Variants in TIAM2 observed in about 807,000 individuals in gnomAD.
The protein encoded by TIAM2 is TIAM Rac1 associated GEF 2, also known as rho guanine nucleotide exchange factor TIAM2.
Under a neutral mutation model 152.9 loss-of-function variants are expected in TIAM2, and 80 were observed. The ratio of observed to expected loss-of-function variants is 0.52; its 90% CI spans 0.44 to 0.63. The LOEUF is 0.63. TIAM2 is among the 30% of genes least tolerant of loss of function. The pLI is 0.00. For synonymous variants in TIAM2, 804 were observed against 838.0 expected (o/e 0.96, Z 0.70); for missense variants, 1,965 against 2,120.1 (o/e 0.93, Z 1.44).
At chr6:155,034,332 C>T (rs1266200137) in intron 1 of TIAM2, among the ~76,000 whole-genome samples, 2 of 152,106 alleles carry the variant, frequency 1.3e-5, no homozygotes, top group Admixed American at 6.5e-5. Context: ...CTCACTGCAA[C>T]CTCTGCCTAC....
At chr6:155,159,218 A>G (rs1443980883) in intron 7 of TIAM2, among the ~76,000 whole-genome samples, 1 of 152,224 alleles carries the variant, frequency 6.6e-6, no homozygotes, top group Non-Finnish European at 1.5e-5. Flanking sequence ...AAAGTGTTCA[A>G]TATGAATAGG....
intron 5 of TIAM2, among the ~76,000 whole-genome samples, chr6:155,142,096 A>G (rs1216996250): frequency 6.7e-6 from 1 of 149,960 alleles, no homozygotes; most frequent in Admixed American, 6.6e-5. Flanking sequence ...GTGAACGGCA[A>G]AGGCAGGGTT....
At chr6:155,104,682 G>A (rs531395301) in intron 2 of TIAM2, among the ~76,000 whole-genome samples, 1 of 151,542 alleles carries the variant, frequency 6.6e-6, no homozygotes, top group Non-Finnish European at 1.5e-5. Context: ...GCTTGAACCC[G>A]GGAGGCGGAG....
chr6:155,099,913 A>C (rs1016367241), intron 2 of TIAM2, among the ~76,000 whole-genome samples: 4 of 152,246 alleles, frequency 2.6e-5, no homozygotes, highest in Admixed American at 6.5e-5. Context: ...CCTGTATGGC[A>C]TGTGACTGTA....
chr6:155,230,865 G>A (rs1386153824), intron 15 of TIAM2, among the ~76,000 whole-genome samples: 5 of 144,790 alleles, frequency 3.5e-5, no homozygotes, highest in Non-Finnish European at 6.0e-5. Flanking sequence ...ATGGAGTCTC[G>A]CTCTGTCACC....
rs199595758 is a variant in TIAM2, at chr6:155,129,614, A to G, written c.391A>G (p.Arg131Gly). Residue 131 changes from arginine (R) to glycine (G), a missense_variant, in exon 4 of 27, where the codon AGA (arginine) becomes GGA (glycine). Transcript: ENST00000682666. This position sits in a 1 kb window ranked among gnomAD's most constrained non-coding sequence, Gnocchi z 4.8. ...GCTGGCAGATAACCACATCACCTCC[A>G]GAGACTGCAACGGACACCTTCTCAA... ...HELADNHITSRDCNGHLLNCY... is the reference protein window; with the variant it reads ...HELADNHITSGDCNGHLLNCY... 49 of 1,614,164 alleles carry G rather than the reference A, an allele frequency of 3.0e-5. No homozygotes were observed. In the East Asian group the frequency reaches 1.1e-3, roughly 36 times the overall value.
intron 15 of TIAM2, among the ~76,000 whole-genome samples, chr6:155,215,552 G>A (rs1022337966): frequency 6.6e-6 from 1 of 151,988 alleles, no homozygotes; most frequent in Non-Finnish European, 1.5e-5. Flanking sequence ...TAAAATCTTT[G>A]GTAAATACCT....
chr6:155,165,206 T>A, intron 8 of TIAM2, 57 bp from the exon 9 acceptor site: 1 of 1,531,058 alleles, frequency 6.5e-7, no homozygotes, highest in Non-Finnish European at 8.8e-7. Flanking sequence ...TCCTTCATTT[T>A]TTCTGCCACT....
intron 2 of TIAM2, among the ~76,000 whole-genome samples, chr6:155,121,542 G>A (rs1012056942): frequency 1.3e-5 from 2 of 152,200 alleles, no homozygotes; most frequent in Non-Finnish European, 2.9e-5. Flanking sequence ...ACACAAACCA[G>A]ACTAGAATTT....
At chr6:155,099,549 C>G (rs1329777217) in intron 2 of TIAM2, among the ~76,000 whole-genome samples, 1 of 152,098 alleles carries the variant, frequency 6.6e-6, no homozygotes, top group Non-Finnish European at 1.5e-5. Context: ...TGGTATAAGG[C>G]TCACAAACGT....
chr6:155,014,868 C>T (rs1186984183), intron 1 of TIAM2, among the ~76,000 whole-genome samples: 2 of 152,060 alleles, frequency 1.3e-5, no homozygotes, highest in African/African-American at 4.8e-5. Flanking sequence ...AAAGAATTTC[C>T]TTTAGGCTAC....
intron 1 of TIAM2, among the ~76,000 whole-genome samples, chr6:155,077,424 T>G (rs1777985276): frequency 6.6e-6 from 1 of 152,202 alleles, no homozygotes; most frequent in Non-Finnish European, 1.5e-5. Flanking sequence ...GCCTTCTCAA[T>G]TTTCCCTTTG....
At chr6:155,193,775 T>C (rs1378842417) in intron 14 of TIAM2, among the ~76,000 whole-genome samples, 1 of 152,194 alleles carries the variant, frequency 6.6e-6, no homozygotes, top group African/African-American at 2.4e-5. Flanking sequence ...CATTCTTAAG[T>C]GAAACTGGCG....
At chr6:155,256,276 A>C (rs1784016572) in intron 26 of TIAM2, 1 of 673,482 alleles carries the variant, frequency 1.5e-6, no homozygotes, top group South Asian at 2.0e-5. Context: ...AAAATGCTGA[A>C]TTGCCTAACT....
chr6:155,240,394 G>A (rs995811992), intron 15 of TIAM2, 136 bp from the exon 16 acceptor site: 1 of 837,632 alleles, frequency 1.2e-6, no homozygotes, highest in East Asian at 2.7e-5. Context: ...TGAGGTGAAT[G>A]AAACCCTTTG....
chr6:155,208,360 C>A (rs1781641006), intron 14 of TIAM2, among the ~76,000 whole-genome samples: 1 of 152,124 alleles, frequency 6.6e-6, no homozygotes, highest in African/African-American at 2.4e-5. Context: ...TTGAGAATCA[C>A]CCCCTCCTGT....
chr6:155,046,385 G>GAGTGC (rs1282797116), intron 1 of TIAM2, among the ~76,000 whole-genome samples: 1 of 138,672 alleles, frequency 7.2e-6, no homozygotes, highest in African/African-American at 2.7e-5. Flanking sequence ...CACTCAGGTG[G>GAGTGC]AGTGCAGTGG....
chr6:155,241,587 G>C (rs1449933198), intron 16 of TIAM2, among the ~76,000 whole-genome samples: 2 of 152,148 alleles, frequency 1.3e-5, no homozygotes, highest in Non-Finnish European at 2.9e-5. Context: ...ACCTTGCTCT[G>C]CAAGACAGAT....
chr6:155,211,769 CTG>C (rs1255170880), intron 15 of TIAM2, among the ~76,000 whole-genome samples: 1 of 151,968 alleles, frequency 6.6e-6, no homozygotes, highest in Non-Finnish European at 1.5e-5. Flanking sequence ...GTATGCCTCT[CTG>C]TGGCATTAAG....
Sources: allele counts gnomAD v4.1 joint callset (sites outside exome capture counted in the v4.1 genomes callset), GRCh38; gene constraint gnomAD v4.1.1; non-coding constraint Gnocchi (gnomAD v3.1); transcripts MANE v1.5; gene names NCBI Gene and HGNC (gene_info 2026-07-23, HGNC 2026-07-21).